The following STARD9 variants were observed in gnomAD, a reference collection of about 807,000 sequenced individuals.
STARD9 encodes StAR related lipid transfer domain containing 9.
A neutral mutation model predicts 399.8 loss-of-function variants in STARD9; 346 were observed. That is an observed-to-expected ratio of 0.87 (90% confidence interval 0.79 to 0.95). The LOEUF (loss-of-function observed/expected upper bound fraction) is 0.95. Among genes scored for constraint, STARD9 ranks in the 40% least tolerant of loss-of-function variants. STARD9 has a pLI of 0.00. For missense variants in STARD9, 5,832 were observed against 5,667.5 expected (o/e 1.03, Z -0.93); for synonymous variants, 2,203 against 2,143.5 (o/e 1.03, Z -0.77).
chr15:42,628,619 TA>T (rs2059270935), intron 3 of STARD9, among the ~76,000 whole-genome samples: 1 of 152,210 alleles, frequency 6.6e-6, no homozygotes, highest in Non-Finnish European at 1.5e-5. Flanking sequence ...AGGTGAGAGA[TA>T]GGGGTCAAGT....
chr15:42,662,926 A>G, intron 11 of STARD9, 35 bp downstream of exon 11: 2 of 1,399,062 alleles, frequency 1.4e-6, no homozygotes, highest in South Asian at 1.2e-5. Context: ...TGGGAGGGAG[A>G]GTTCGGAAAA....
At chr15:42,599,416 A>G (rs2058578294) in intron 3 of STARD9, among the ~76,000 whole-genome samples, 3 of 152,066 alleles carry the variant, frequency 2.0e-5, no homozygotes, top group African/African-American at 7.2e-5. Flanking sequence ...AAAATGCCAT[A>G]TCTTTCTCTG....
At chr15:42,615,263 C>T (rs1405360706) in intron 3 of STARD9, among the ~76,000 whole-genome samples, 1 of 152,072 alleles carries the variant, frequency 6.6e-6, no homozygotes, top group Admixed American at 6.5e-5. Context: ...GATGCCTCCG[C>T]CTCCCAAAGT....
chr15:42,618,709 G>C (rs1595648016), intron 3 of STARD9, among the ~76,000 whole-genome samples: 2 of 152,018 alleles, frequency 1.3e-5, no homozygotes, highest in East Asian at 3.9e-4. Flanking sequence ...CGATTCTCCT[G>C]CCGCAGCCTC....
In STARD9 at chr15:42,626,408, T is replaced by TTCC. The variant is rs764365243; in HGVS notation, c.235-8433_235-8431dup. ...CCTCTTCCTCTTCCTCCTCCTCTTC[T>TTCC]TCCTCCTCCTCCTCCTCTTCTTCTT... On this transcript the variant is annotated intron_variant, in intron 3 of 32. Coordinates refer to ENST00000290607, the MANE Select transcript of STARD9 (RefSeq NM_020759.3). 5.8e-5 allele frequency among the ~76,000 whole-genome samples: 8 copies of TTCC among 137,282 alleles called. No individual in the cohort carries two copies. The East Asian group carries it at 1.0e-3, about 17-fold the overall frequency. The allele number at this position is 137,282 out of a possible 152,430, so 90.1% of individuals were successfully genotyped here.
intron 3 of STARD9, among the ~76,000 whole-genome samples, chr15:42,597,632 G>A (rs1277049982): frequency 6.6e-6 from 1 of 151,926 alleles, no homozygotes; most frequent in East Asian, 1.9e-4. Context: ...CACCTCCTGA[G>A]TTCAAGCAAT....
Position 42,575,693 on chromosome 15 carries a change from T to C in STARD9, c.-23T>C, listed in dbSNP as rs1187999921. On this transcript the variant is annotated 5_prime_UTR_variant, in exon 1 of 33. Transcript: ENST00000290607. ...GGATGCTGCCGCTGAGCTGACCCGC[T>C]GGACTTGGGTTGTGGCAGACGGATG... 2 of 1,536,282 alleles carry C rather than the reference T, an allele frequency of 1.3e-6. No individual in the cohort carries two copies. Among genetic ancestry groups the C allele is most frequent in the Non-Finnish European group, 1.7e-6 (2 of 1,146,732 alleles).
Position 42,718,163 on chromosome 15 carries a change from C to A in STARD9, c.13746C>A (p.Thr4582=). 6.5e-7 allele frequency: 1 copy of A among 1,536,860 alleles called. No homozygotes were observed. Among genetic ancestry groups the A allele is most frequent in the South Asian group, 1.2e-5 (1 of 84,042 alleles). The change falls in exon 30 of 33, where the codon ACC becomes ACA. Residue 4582 remains threonine (T), a synonymous_variant. Coordinates refer to ENST00000290607, the MANE Select transcript of STARD9 (RefSeq NM_020759.3). ...IQTARLHQRV[T]NSISLVYLVC... is the part of the protein sequence containing the mutation. ...CAGCAAGGCTGCATCAGCGAGTGAC[C>A]AACAGCATCAGCCTGGGTGAGCCCA...
rs2060646326 is a variant in STARD9 at position 42,689,769 on chromosome 15, G to T, written c.8191G>T (p.Glu2731Ter). 1 of 1,537,490 alleles carries T rather than the reference G, an allele frequency of 6.5e-7. No homozygotes were observed. The highest frequency in any genetic ancestry group is 2.0e-5 in the Admixed American group (1 of 50,988). The change falls in exon 23 of 33, where the codon GAG becomes TAG. Residue 2731 changes from glutamate to a stop codon, truncating the protein, a stop_gained. Transcript: ENST00000290607. LOFTEE classifies it high-confidence loss of function. The stretch of plus-strand genomic sequence containing the variant: ...TCCTCGTTCTTCAGCACCTGTGGAG[G>T]AGGTCAGGAGGGTAGTATCAAAGAA... ...DSPRSSAPVE[E>*]VRRVVSKKVV...
rs2060657047 is a variant in STARD9 at position 42,690,179 on chromosome 15, A to T, written c.8601A>T (p.Glu2867Asp). 6.5e-7 allele frequency: 1 copy of T among 1,537,810 alleles called. No homozygotes were observed. Among genetic ancestry groups the T allele is most frequent in the Non-Finnish European group, 8.7e-7 (1 of 1,147,036 alleles). Residue 2867 changes from glutamate (E) to aspartate (D), a missense_variant, in exon 23 of 33, where the codon GAA becomes GAT. Around this residue, in one of 2 missense-constraint regions of STARD9, gnomAD observed 5,828 missense variants for 5,651.1 expected, o/e 1.03. Coordinates refer to ENST00000290607, the MANE Select transcript of STARD9 (RefSeq NM_020759.3). ...LPGALTRVAL[E>D]APTQQCVQCK... ...GAGCTCTGACAAGGGTTGCACTGGAAGCTCCCACACAGCAGTGTGTGCAGT... is the reference window on the plus strand; with the variant it reads ...GAGCTCTGACAAGGGTTGCACTGGATGCTCCCACACAGCAGTGTGTGCAGT...
chr15:42,587,385 G>A (rs993914115), intron 3 of STARD9, among the ~76,000 whole-genome samples: 1 of 152,158 alleles, frequency 6.6e-6, no homozygotes, highest in Non-Finnish European at 1.5e-5. Flanking sequence ...TGCTGTCACA[G>A]TGGGCCTCTT....
At position 42,674,450 on chromosome 15, in the gene STARD9, C is replaced by G. The variant is rs1450217561; in HGVS notation, c.1508C>G (p.Thr503Arg). Residue 503 changes from threonine (T) to arginine (R), a missense_variant, in exon 17 of 33, where the codon ACA (threonine) becomes AGA (arginine). Physicochemically the swap from Thr to Arg is moderately conservative, Grantham distance 71. Around this residue, in one of 2 missense-constraint regions of STARD9, gnomAD observed 5,828 missense variants for 5,651.1 expected, o/e 1.03. Coordinates refer to ENST00000290607, the MANE Select transcript of STARD9 (RefSeq NM_020759.3). ...VVLYHLKEGT[T>R]KIGRIDSDQE... ...TTTTTCCCCCTTTAGGAAGGGACAACAAAAATAGGAAGGATTGACTCAGAC... is the reference window on the plus strand; with the variant it reads ...TTTTTCCCCCTTTAGGAAGGGACAAGAAAAATAGGAAGGATTGACTCAGAC... The G allele has an allele frequency of 6.5e-7, 1 of 1,536,952 alleles. No homozygotes were observed. Among genetic ancestry groups the G allele is most frequent in the South Asian group, 1.2e-5 (1 of 84,048 alleles).
In STARD9 at chr15:42,693,422, G is replaced by A; in HGVS notation, c.11844G>A (p.Met3948Ile). 6.5e-7 allele frequency: 1 copy of A among 1,537,170 alleles called. No individual in the cohort carries two copies. Among genetic ancestry groups the A allele is most frequent in the Non-Finnish European group, 8.7e-7 (1 of 1,146,896 alleles). Residue 3948 changes from methionine to isoleucine, a missense_variant, in exon 23 of 33, where the codon ATG becomes ATA. By Grantham distance (10) the Met-to-Ile change is conservative. Around this residue, in one of 2 missense-constraint regions of STARD9, gnomAD observed 5,828 missense variants for 5,651.1 expected, o/e 1.03. Transcript: ENST00000290607. ...PDPVDAPRTP[M>I]DNYSQTTDEL... ...CTGTTGATGCCCCAAGGACTCCAAT[G>A]GATAATTATTCCCAAACCACTGACG...
At chr15:42,647,032 G>T (rs1197796715) in intron 7 of STARD9, among the ~76,000 whole-genome samples, 1 of 152,132 alleles carries the variant, frequency 6.6e-6, no homozygotes, top group Non-Finnish European at 1.5e-5. Context: ...TTTTCTATAC[G>T]ATTCTTGGTG....
chr15:42,701,281 A>T (rs1254727242), intron 26 of STARD9, among the ~76,000 whole-genome samples: 1 of 152,134 alleles, frequency 6.6e-6, no homozygotes, highest in African/African-American at 2.4e-5. Context: ...TTCTATGAAG[A>T]ATGTTATTCG....
chr15:42,719,005 T>G, intron 32 of STARD9, 95 bp downstream of exon 32: 2 of 1,176,722 alleles, frequency 1.7e-6, no homozygotes, highest in Non-Finnish European at 2.4e-6. Context: ...CACCCTCCAG[T>G]GCCCAGGCCC....
intron 3 of STARD9, among the ~76,000 whole-genome samples, chr15:42,590,021 C>T (rs1249995954): frequency 7.6e-6 from 1 of 131,416 alleles, no homozygotes; most frequent in African/African-American, 3.0e-5. Flanking sequence ...AGTAGGGTGG[C>T]GCAGTCACAG....
At position 42,689,361 on chromosome 15, in the gene STARD9, C is replaced by T; in HGVS notation, c.7783C>T (p.Gln2595Ter). 1 of 1,537,294 alleles carries T rather than the reference C, an allele frequency of 6.5e-7. No homozygotes were observed. The highest frequency in any genetic ancestry group is 8.7e-7 in the Non-Finnish European group (1 of 1,146,922). The change falls in exon 23 of 33, where the codon CAG (glutamine) becomes TAG (stop). Residue 2595 changes from glutamine (Q) to a stop codon, truncating the protein, a stop_gained. Transcript: ENST00000290607. LOFTEE classifies it high-confidence loss of function. ...TTCTTCAAGGGTTGCTGGCAGGCCT[C>T]AGTGTAAACAAATAGACCAGTCATC... Reference protein sequence around the residue: ...ECSSRVAGRPQCKQIDQSSSD... With the variant: ...ECSSRVAGRP
intron 3 of STARD9, among the ~76,000 whole-genome samples, chr15:42,593,178 A>G (rs1359985549): frequency 6.6e-6 from 1 of 152,156 alleles, no homozygotes; most frequent in Non-Finnish European, 1.5e-5. Context: ...TCTGAGTTGA[A>G]CTAGATTTGG....
Sources: allele counts gnomAD v4.1 joint callset (sites outside exome capture counted in the v4.1 genomes callset), GRCh38; gene constraint gnomAD v4.1.1; regional missense constraint gnomAD v4.1.1; transcripts MANE v1.5; gene names NCBI Gene and HGNC (gene_info 2026-07-23, HGNC 2026-07-21).